PRKDC: variants seen among roughly 807,000 people sequenced by gnomAD.
The protein encoded by PRKDC is protein kinase, DNA-activated, catalytic subunit, also known as DNA-dependent protein kinase catalytic subunit.
Under a neutral mutation model 486.9 loss-of-function variants are expected in PRKDC, and 82 were observed. The ratio of observed to expected loss-of-function variants is 0.17; its 90% confidence interval spans 0.14 to 0.20. PRKDC has a LOEUF of 0.20. Among genes scored for constraint, PRKDC ranks in the 10% least tolerant of loss-of-function variants. The pLI, the probability that PRKDC is intolerant of heterozygous loss-of-function variation, is 1.00. For synonymous variants in PRKDC, 1,895 were observed against 1,837.0 expected, an observed-to-expected ratio of 1.03 and a Z score of -0.81; for missense variants, 4,504 against 5,038.2, an observed-to-expected ratio of 0.89 and a Z score of 3.21.
rs1030864823 is a variant in PRKDC at position 47,820,710 on chromosome 8, T to G, written c.9336+9A>C. ...TATACAAGCATATATATATAATATA[T>G]AGTATTACCTGCATAAAACTCTGAA... On this transcript the variant is annotated intron_variant, in intron 66 of 85. Coordinates refer to ENST00000314191, the MANE Select transcript of PRKDC (RefSeq NM_006904.7). 1 of 1,417,892 alleles carries G rather than the reference T, an allele frequency of 7.1e-7. No homozygotes were observed. Among genetic ancestry groups the G allele is most frequent in the Admixed American group, 2.1e-5 (1 of 47,298 alleles). The allele number at this position is 1,417,892 out of a possible 1,614,324, so 87.8% of individuals were successfully genotyped here.
chr8:47,897,331 CA>C (rs1287759761), intron 29 of PRKDC, 37 bp from the exon 30 acceptor site: 2 of 1,499,174 alleles, frequency 1.3e-6, no homozygotes, highest in Non-Finnish European at 1.8e-6. Flanking sequence ...AGTCCCTCTC[CA>C]ACATGCAACA....
intron 10 of PRKDC, 88 bp from the exon 11 acceptor site, chr8:47,939,785 C>T (rs2090412563): frequency 8.8e-7 from 1 of 1,131,986 alleles, no homozygotes; most frequent in Non-Finnish European, 1.2e-6. Context: ...TGTTTAGATG[C>T]TACTAATGTA....
chr8:47,914,385 T>C (rs567575667), intron 23 of PRKDC, among the ~76,000 whole-genome samples: 2 of 152,324 alleles, frequency 1.3e-5, no homozygotes, highest in Admixed American at 6.5e-5. Context: ...AAAATCTCTT[T>C]GAAACACTTT....
At chr8:47,958,836 A>C (rs1489229458) in intron 1 of PRKDC, among the ~76,000 whole-genome samples, 2 of 151,842 alleles carry the variant, frequency 1.3e-5, no homozygotes, top group East Asian at 1.9e-4. Flanking sequence ...CCTGGGTTCA[A>C]GACATTCTCC....
chr8:47,897,359 C>T, intron 29 of PRKDC, 65 bp from the exon 30 acceptor site: 1 of 1,425,424 alleles, frequency 7.0e-7, no homozygotes, highest in South Asian at 1.7e-5. Context: ...TACCAAGGCT[C>T]TAGAAATCAT....
intron 30 of PRKDC, 62 bp from the exon 31 acceptor site, chr8:47,893,449 G>A (rs1010927528): frequency 1.5e-6 from 2 of 1,348,848 alleles, no homozygotes; most frequent in African/African-American, 1.5e-5. Context: ...TCTAATCTTT[G>A]TACCTAAAAT....
Position 47,852,687 on chromosome 8 carries a change from T to C in PRKDC, c.6991A>G (p.Met2331Val). 2 of 1,569,052 alleles carry C rather than the reference T, an allele frequency of 1.3e-6. No homozygotes were observed. The highest frequency in any genetic ancestry group is 8.7e-7 in the Non-Finnish European group (1 of 1,154,796). ...AGCACACTCACGTTTTTTCTCTCCA[T>C]AACATATCGAAGTATAAGTCCTAGA... ...EVLGLILRYV[M>V]ERKNILEESL... is the part of the protein sequence containing the mutation. The change falls in exon 52 of 86, where the codon ATG (methionine) becomes GTG (valine). Residue 2331 changes from methionine (M) to valine (V), a missense_variant. Coordinates refer to ENST00000314191, the MANE Select transcript of PRKDC (RefSeq NM_006904.7).
At chr8:47,868,999 A>T (rs2088882862) in intron 40 of PRKDC, among the ~76,000 whole-genome samples, 1 of 152,062 alleles carries the variant, frequency 6.6e-6, no homozygotes, top group Non-Finnish European at 1.5e-5. Flanking sequence ...TCAGAAGCAA[A>T]CTGTCCATCC....
intron 51 of PRKDC, among the ~76,000 whole-genome samples, chr8:47,853,762 C>T (rs2088470412): frequency 6.6e-6 from 1 of 152,214 alleles, no homozygotes; most frequent in Non-Finnish European, 1.5e-5. Flanking sequence ...GTTTTAAACA[C>T]CTACATTTCT....
At position 47,785,194 on chromosome 8, in the gene PRKDC, G is replaced by A. The variant is rs757045049; in HGVS notation, c.11026C>T (p.Pro3676Ser). 3 of 1,613,918 alleles carry A rather than the reference G, an allele frequency of 1.9e-6. No homozygotes were observed. The highest frequency in any genetic ancestry group is 4.5e-5 in the East Asian group (2 of 44,876). ...GAACATTCTTTCAGATTCCCAGGGG[G>A]CTTTGAGTCTTTGTTCATTTTTAAA... ...LLLKMNKDSK[P>S]PGNLKECSPW... The change falls in exon 77 of 86, where the codon CCC becomes TCC. Residue 3676 changes from proline to serine, a missense_variant. By Grantham distance (74) the Pro-to-Ser change is moderately conservative (BLOSUM62 -1). Coordinates refer to ENST00000314191, the MANE Select transcript of PRKDC (RefSeq NM_006904.7).
intron 36 of PRKDC, among the ~76,000 whole-genome samples, chr8:47,882,675 T>C (rs543648788): frequency 1.2e-4 from 18 of 152,142 alleles, no homozygotes; most frequent in Non-Finnish European, 2.2e-4. Flanking sequence ...ACACCCACAT[T>C]TTCTGTCTCA....
In PRKDC at chr8:47,902,834, T is replaced by C. The variant is rs748390841; in HGVS notation, c.3043-39A>G. The C allele has an allele frequency of 5.4e-6, 8 of 1,491,678 alleles. No individual in the cohort carries two copies. In the East Asian group the frequency reaches 9.1e-5, roughly 17 times the overall value. 92.4% of individuals were successfully genotyped at this position (1,491,678 alleles called of 1,614,324 possible). A position where few individuals can be genotyped will look rare whatever the true frequency, so the allele number is the denominator to read the frequency against. On this transcript the variant is annotated intron_variant, in intron 26 of 85. Transcript: ENST00000314191. ...AAGAGACCTTGATTGTACTAATTTT[T>C]ATAACCACTGACAACTGAATACCCT...
In PRKDC at chr8:47,773,296, T is replaced by C. The variant is rs561936446; in HGVS notation, c.*877A>G. On this transcript the variant is annotated 3_prime_UTR_variant, in exon 86 of 86. Transcript: ENST00000314191. ...TGCACATGGGAAGGAGCCACTTTTG[T>C]ATTCCATAATTTCATCTTGTTGTGC... The C allele has an allele frequency of 8.4e-5, 19 of 226,722 alleles. No homozygotes were observed. The highest frequency in any genetic ancestry group is 4.2e-4 in the African/African-American group (19 of 44,966). The allele number at this position is 226,722 out of a possible 1,614,324, so 14.0% of individuals were successfully genotyped here. A position where few individuals can be genotyped will look rare whatever the true frequency, so the allele number is the denominator to read the frequency against.
intron 54 of PRKDC, among the ~76,000 whole-genome samples, chr8:47,842,392 G>C (rs984925905): frequency 2.6e-5 from 4 of 151,996 alleles, no homozygotes; most frequent in African/African-American, 9.7e-5. Context: ...AATTCTTCTA[G>C]TATCCATCAC....
At chr8:47,830,312 T>C (rs1025243490) in intron 61 of PRKDC, among the ~76,000 whole-genome samples, 1 of 152,204 alleles carries the variant, frequency 6.6e-6, no homozygotes, top group Non-Finnish European at 1.5e-5. Context: ...ATTCCTTCAT[T>C]TATGCTCCCT....
intron 69 of PRKDC, among the ~76,000 whole-genome samples, chr8:47,806,552 T>C (rs1336220997): frequency 1.3e-5 from 2 of 152,244 alleles, no homozygotes; most frequent in African/African-American, 4.8e-5. Flanking sequence ...TAGCAATTGA[T>C]AGAGGGTCAT....
chr8:47,881,121 T>G (rs1326148375), intron 38 of PRKDC, among the ~76,000 whole-genome samples: 1 of 151,260 alleles, frequency 6.6e-6, no homozygotes, highest in Admixed American at 6.6e-5. Context: ...AAAGAAATGT[T>G]CTCATGTCTT....
At chr8:47,944,194 A>C (rs995770808) in intron 7 of PRKDC, among the ~76,000 whole-genome samples, 165 bp from the exon 8 acceptor site, 2 of 152,198 alleles carry the variant, frequency 1.3e-5, no homozygotes, top group African/African-American at 4.8e-5. Flanking sequence ...TTACTGCTGC[A>C]CGGTTATGAC....
Position 47,800,938 on chromosome 8 carries a change from C to T in PRKDC, c.9971G>A (p.Arg3324His), listed in dbSNP as rs777857176. Residue 3324 changes from arginine to histidine, a missense_variant, in exon 71 of 86, where the codon CGT (arginine) becomes CAT (histidine). Coordinates refer to ENST00000314191, the MANE Select transcript of PRKDC (RefSeq NM_006904.7). ...SYLSKNILAF[R>H]DQNILLGTTY... Reference sequence around the variant, plus strand: ...TGTACCCAAGAGAATGTTCTGGTCACGGAAAGCCAGAATATTTTTGCTTAA... The same window carrying T: ...TGTACCCAAGAGAATGTTCTGGTCATGGAAAGCCAGAATATTTTTGCTTAA... 19 of 1,613,822 alleles carry T rather than the reference C, an allele frequency of 1.2e-5. No individual in the cohort carries two copies. Among genetic ancestry groups the T allele is most frequent in the East Asian group, 2.2e-5 (1 of 44,882 alleles).
Sources: allele counts gnomAD v4.1 joint callset (sites outside exome capture counted in the v4.1 genomes callset), GRCh38; gene constraint gnomAD v4.1.1; transcripts MANE v1.5; gene names NCBI Gene and HGNC (gene_info 2026-07-23, HGNC 2026-07-21).